Variants in ADGRE3 observed in about 807,000 individuals in gnomAD.
ADGRE3 encodes adhesion G protein-coupled receptor E3.
In ADGRE3, 88 loss-of-function variants were observed where a neutral mutation model predicts 80.1. That is an observed-to-expected ratio of 1.10 (90% CI 0.93 to 1.31). ADGRE3 has a LOEUF of 1.31. Ranked by LOEUF, ADGRE3 falls within the 40% of genes most tolerant of loss-of-function variation. ADGRE3 has a pLI of 0.00. For synonymous variants in ADGRE3, 281 were observed against 294.8 expected (o/e 0.95, Z 0.48); for missense variants, 715 against 776.5 (o/e 0.92, Z 0.94).
chr19:14,636,137 T>TTC lies in ADGRE3; in HGVS notation c.1484+1967_1484+1968insGA, dbSNP rs1555755831. Among the ~76,000 whole-genome samples, 219 of 31,358 alleles carry TTC rather than the reference T, an allele frequency of 7.0e-3. 18 individuals are homozygous for TTC. The highest frequency in any genetic ancestry group is 0.021 in the African/African-American group (195 of 9,496). 20.6% of individuals were successfully genotyped at this position (31,358 alleles called of 152,430 possible). On this transcript the variant is annotated intron_variant, in intron 11 of 15. Transcript: ENST00000253673. ...TTCTTTCTTTCTTTCTTTCTTTCTTTCTTTCTTTCTTTCTTCCTTTCCTCC... is the reference window on the plus strand; with the variant it reads ...TTCTTTCTTTCTTTCTTTCTTTCTTTTCCTTTCTTTCTTTCTTCCTTTCCTCC...
intron 6 of ADGRE3, 28 bp downstream of exon 6, chr19:14,654,954 G>A (rs780292813): frequency 6.3e-7 from 1 of 1,593,526 alleles, no homozygotes; most frequent in Non-Finnish European, 8.6e-7. Context: ...CAGTCCCCAG[G>A]GTGTATCAGT....
chr19:14,610,795 A>G, the ADGRE3 span: 8 of 152,612 alleles, frequency 5.2e-5, no homozygotes, highest in African/African-American at 1.7e-4. Flanking sequence ...TGTGAGGATT[A>G]CAGGTGTGAG....
At position 14,674,781 on chromosome 19, in the gene ADGRE3, C is replaced by G. The variant is rs771882447; in HGVS notation, c.-11G>C. The G allele has an allele frequency of 6.2e-7, 1 of 1,613,776 alleles. No individual in the cohort carries two copies. Among genetic ancestry groups the G allele is most frequent in the South Asian group, 1.1e-5 (1 of 91,044 alleles). Reference sequence around the variant, plus strand: ...CAATGGTCCCTGCATTTCTGTGGTACGGGTATCCCACGCCAGCCAGCCCTG... The same window carrying G: ...CAATGGTCCCTGCATTTCTGTGGTAGGGGTATCCCACGCCAGCCAGCCCTG... On this transcript the variant is annotated 5_prime_UTR_variant, in exon 1 of 16. Transcript: ENST00000253673.
At chr19:14,621,104 T>C (rs1970595909) in intron 15 of ADGRE3, among the ~76,000 whole-genome samples, 1 of 152,000 alleles carries the variant, frequency 6.6e-6, no homozygotes, top group Admixed American at 6.6e-5. Flanking sequence ...ACCGTAATCT[T>C]TGCCTCCCAG....
chr19:14,619,601 C>A, intron 15 of ADGRE3, 130 bp from the exon 16 acceptor site: 4 of 694,018 alleles, frequency 5.8e-6, no homozygotes, highest in Non-Finnish European at 1.0e-5. Context: ...ATGGCATGAT[C>A]TCCTAGCATT....
intron 14 of ADGRE3, chr19:14,628,813 G>C (rs1455543315): frequency 1.9e-5 from 4 of 214,768 alleles, no homozygotes; most frequent in Admixed American, 5.7e-5. Context: ...GCTTTAAGGG[G>C]CAGATATCAT....
rs1555755785 is a variant in ADGRE3 at position 14,636,081 on chromosome 19, C to CTTTCTTTTTCTTT, written c.1484+2023_1484+2024insAAAGAAAAAGAAA. Among the ~76,000 whole-genome samples the CTTTCTTTTTCTTT allele has an allele frequency of 2.9e-3, 72 of 24,684 alleles. 5 individuals are homozygous for CTTTCTTTTTCTTT. Among genetic ancestry groups the CTTTCTTTTTCTTT allele is most frequent in the Admixed American group, 8.5e-3 (16 of 1,880 alleles). 16.2% of individuals were successfully genotyped at this position (24,684 alleles called of 152,430 possible). A position where few individuals can be genotyped will look rare whatever the true frequency, so the allele number is the denominator to read the frequency against. ...CCTTCCTTTCCTTTCCTTTCCTTTCCCTTTCTTTCTTTCTTTCTTTCTTTC... is the reference window on the plus strand; with the variant it reads ...CCTTCCTTTCCTTTCCTTTCCTTTCCTTTCTTTTTCTTTCTTTCTTTCTTTCTTTCTTTCTTTC... On this transcript the variant is annotated intron_variant, in intron 11 of 15. Coordinates refer to ENST00000253673, the MANE Select transcript of ADGRE3 (RefSeq NM_032571.5).
At chr19:14,603,815 C>T in the ADGRE3 span, among the ~76,000 whole-genome samples, 1 of 152,148 alleles carries the variant, frequency 6.6e-6, no homozygotes, top group Non-Finnish European at 1.5e-5. Context: ...TCCTGAGCAC[C>T]TACTATGTGC....
At chr19:14,641,737 CTGCTAATGTAGAT>C (rs1391446289) in intron 9 of ADGRE3, 121 bp from the exon 10 acceptor site, 20 of 1,207,750 alleles carry the variant, frequency 1.7e-5, no homozygotes, top group Non-Finnish European at 2.1e-5. Context: ...GACCGTTAGA[CTGCTAATGTAGAT>C]TGCTAATGTA....
At chr19:14,657,018 C>G (rs933084822) in intron 5 of ADGRE3, among the ~76,000 whole-genome samples, 1 of 152,138 alleles carries the variant, frequency 6.6e-6, no homozygotes, top group African/African-American at 2.4e-5. Flanking sequence ...GCTTCAGCCT[C>G]CTGAGTAGCT....
the ADGRE3 span, among the ~76,000 whole-genome samples, chr19:14,603,277 C>T: frequency 2.0e-5 from 3 of 152,108 alleles, no homozygotes; most frequent in African/African-American, 7.2e-5. Context: ...GAGCACACAT[C>T]GGGTCTTTGC....
chr19:14,633,683 C>T (rs565178661), intron 11 of ADGRE3, among the ~76,000 whole-genome samples: 1 of 141,796 alleles, frequency 7.1e-6, no homozygotes, highest in Non-Finnish European at 1.5e-5. Flanking sequence ...CCAGCCTGGG[C>T]GACAGACTGA....
At chr19:14,620,534 ATTT>A (rs1361618188) in intron 15 of ADGRE3, among the ~76,000 whole-genome samples, 1,946 of 17,802 alleles carry the variant, frequency 0.11, 267 homozygotes, top group East Asian at 0.19. Context: ...GAATATATAT[ATTT>A]TATATATATA....
chr19:14,600,627 G>A, the ADGRE3 span, among the ~76,000 whole-genome samples: 1 of 151,468 alleles, frequency 6.6e-6, no homozygotes. Context: ...TTTCACCCAG[G>A]CTGGAGTGCA....
At chr19:14,655,196 A>T in intron 5 of ADGRE3, 31 bp from the exon 6 acceptor site, 5 of 1,584,342 alleles carry the variant, frequency 3.2e-6, no homozygotes, top group Non-Finnish European at 3.4e-6. Flanking sequence ...TTCATTTTTT[A>T]AAAATGTAAT....
At chr19:14,658,427 T>A (rs1214041885) in intron 5 of ADGRE3, 86 bp downstream of exon 5, 2 of 892,962 alleles carry the variant, frequency 2.2e-6, no homozygotes, top group African/African-American at 3.5e-5. Context: ...CCTAAATCCA[T>A]CCCCATTTGC....
intron 8 of ADGRE3, among the ~76,000 whole-genome samples, chr19:14,646,423 T>G (rs1399616025): frequency 6.6e-6 from 1 of 152,188 alleles, no homozygotes; most frequent in Non-Finnish European, 1.5e-5. Flanking sequence ...TTTTTTGTTT[T>G]GATTTACTTT....
chr19:14,663,390 A>C (rs1040557131), intron 3 of ADGRE3, 28 bp downstream of exon 3: 1 of 1,328,244 alleles, frequency 7.5e-7, no homozygotes. Flanking sequence ...TAAAATAATA[A>C]TAATAAAAAA....
In ADGRE3 at chr19:14,649,969, A is replaced by G. The variant is rs111163891; in HGVS notation, c.697+1116T>C. On this transcript the variant is annotated intron_variant, in intron 7 of 15. Transcript: ENST00000253673. ...CTCTTTCTCCCCATCTCTCTCTTTC[A>G]ATCTCTGTCTTTCCATCTCTCTCTC... Among the ~76,000 whole-genome samples, 88 of 19,502 alleles carry G rather than the reference A, an allele frequency of 4.5e-3. 1 individual carries two copies. Among genetic ancestry groups the G allele is most frequent in the African/African-American group, 0.011 (42 of 3,932 alleles). The allele number at this position is 19,502 out of a possible 152,430, so 12.8% of individuals were successfully genotyped here. A position where few individuals can be genotyped will look rare whatever the true frequency, so the allele number is the denominator to read the frequency against.
Sources: allele counts gnomAD v4.1 joint callset (sites outside exome capture counted in the v4.1 genomes callset), GRCh38; gene constraint gnomAD v4.1.1; transcripts MANE v1.5; gene names NCBI Gene and HGNC (gene_info 2026-07-23, HGNC 2026-07-21).